The following ADAMTS17 variants were observed in gnomAD, a reference collection of about 807,000 sequenced individuals.
ADAMTS17 encodes the protein ADAM metallopeptidase with thrombospondin type 1 motif 17, also known as A disintegrin and metalloproteinase with thrombospondin motifs 17.
A neutral mutation model predicts 141.5 loss-of-function variants in ADAMTS17; 113 were observed. That is an observed-to-expected ratio of 0.80 (90% CI 0.69 to 0.93). ADAMTS17 has a LOEUF of 0.93. Among genes scored for constraint, ADAMTS17 ranks in the 40% least tolerant of loss-of-function variants. ADAMTS17 has a pLI of 0.00. For synonymous variants in ADAMTS17, 768 were observed against 630.6 expected (o/e 1.22, Z -3.27); for missense variants, 1,659 against 1,517.9 (o/e 1.09, Z -1.54).
intron 13 of ADAMTS17, among the ~76,000 whole-genome samples, chr15:100,114,372 A>C (rs1268643334): frequency 6.6e-6 from 1 of 152,054 alleles, no homozygotes; most frequent in Non-Finnish European, 1.5e-5. Flanking sequence ...TTATAAATGG[A>C]GTTTTCAGAG....
In ADAMTS17 at chr15:99,973,214, AATG is replaced by A. The variant is rs1371790616; in HGVS notation, c.*1185_*1187del. On this transcript the variant is annotated 3_prime_UTR_variant, in exon 22 of 22. Transcript: ENST00000268070. The stretch of plus-strand genomic sequence containing the variant: ...CCTTGCCCCACCAAGAAGATGGGTC[AATG>A]ATGACAGGCGTGATGATAATGGGTA... 11 of 152,238 alleles carry A rather than the reference AATG, an allele frequency of 7.2e-5. No homozygotes were observed. The highest frequency in any genetic ancestry group is 2.4e-4 in the African/African-American group (10 of 41,518). 9.4% of individuals were successfully genotyped at this position (152,238 alleles called of 1,614,324 possible). A position where few individuals can be genotyped will look rare whatever the true frequency, so the allele number is the denominator to read the frequency against.
chr15:100,208,861 G>A (rs1204124978), intron 7 of ADAMTS17, among the ~76,000 whole-genome samples: 1 of 152,114 alleles, frequency 6.6e-6, no homozygotes, highest in Non-Finnish European at 1.5e-5. Flanking sequence ...AGTTGATGAA[G>A]CTATAGTGAT....
Position 100,143,621 on chromosome 15 carries a change from C to A in ADAMTS17, c.1473+8991G>T, listed in dbSNP as rs185845620. 6.6e-5 allele frequency among the ~76,000 whole-genome samples: 10 copies of A among 152,208 alleles called. No individual in the cohort carries two copies. In the East Asian group the frequency reaches 1.7e-3, roughly 26 times the overall value. On this transcript the variant is annotated intron_variant, in intron 10 of 21. Coordinates refer to ENST00000268070, the MANE Select transcript of ADAMTS17 (RefSeq NM_139057.4). ...GTTGATGCCAATTTTTTTTCTAGTTCATATTTCCATAGACAGCTTTGAGCC... is the reference window on the plus strand; with the variant it reads ...GTTGATGCCAATTTTTTTTCTAGTTAATATTTCCATAGACAGCTTTGAGCC...
chr15:100,237,620 GT>G (rs761187954), intron 7 of ADAMTS17, among the ~76,000 whole-genome samples: 2 of 152,082 alleles, frequency 1.3e-5, no homozygotes, highest in South Asian at 4.2e-4. Flanking sequence ...GAACGCTGAG[GT>G]TTTTTGTTTT....
intron 15 of ADAMTS17, among the ~76,000 whole-genome samples, chr15:100,082,513 G>C (rs1253793222): frequency 6.6e-6 from 1 of 151,894 alleles, no homozygotes; most frequent in Non-Finnish European, 1.5e-5. Flanking sequence ...CGCTTCCTGA[G>C]TAGTGGGGAC....
intron 2 of ADAMTS17, 23 bp downstream of exon 2, chr15:100,341,016 C>G: frequency 6.6e-7 from 1 of 1,524,674 alleles, no homozygotes; most frequent in South Asian, 1.2e-5. Flanking sequence ...GACGGGCCGA[C>G]CCGGAGGTGG....
At chr15:100,306,133 C>CAGTA (rs1304519582) in intron 3 of ADAMTS17, 8 of 249,090 alleles carry the variant, frequency 3.2e-5, no homozygotes, top group Non-Finnish European at 6.4e-5. Flanking sequence ...TCCCTCTGCA[C>CAGTA]AGTAGCCCTT....
intron 8 of ADAMTS17, among the ~76,000 whole-genome samples, chr15:100,175,582 C>T (rs1326252626): frequency 2.6e-5 from 4 of 152,258 alleles, no homozygotes; most frequent in South Asian, 4.2e-4. Flanking sequence ...CACCCCAGGG[C>T]GTGATGGAGA....
chr15:100,152,912 A>G (rs963386518), intron 9 of ADAMTS17, 150 bp from the exon 10 acceptor site: 2 of 563,890 alleles, frequency 3.5e-6, no homozygotes, highest in African/African-American at 6.5e-5. Flanking sequence ...GGACACACAG[A>G]CTGCGCTTTT....
chr15:100,207,986 A>T (rs1237821636), intron 7 of ADAMTS17, among the ~76,000 whole-genome samples: 2 of 152,196 alleles, frequency 1.3e-5, no homozygotes, highest in Non-Finnish European at 2.9e-5. Context: ...TATAAAAGTA[A>T]TATACTGCTA....
At chr15:100,088,457 A>G (rs1170773925) in intron 15 of ADAMTS17, among the ~76,000 whole-genome samples, 1 of 152,234 alleles carries the variant, frequency 6.6e-6, no homozygotes, top group Non-Finnish European at 1.5e-5. Context: ...CAAGCTACCA[A>G]TGACTTTCTT....
chr15:100,256,226 G>A (rs755157094), intron 6 of ADAMTS17, among the ~76,000 whole-genome samples: 6 of 152,190 alleles, frequency 3.9e-5, no homozygotes, highest in Non-Finnish European at 5.9e-5. Flanking sequence ...GGCTCCCAGC[G>A]CCTACATCCA....
intron 15 of ADAMTS17, among the ~76,000 whole-genome samples, chr15:100,065,462 T>G (rs754335758): frequency 6.6e-6 from 1 of 152,258 alleles, no homozygotes; most frequent in African/African-American, 2.4e-5. Context: ...TGAGTTTCTA[T>G]GTAGCTAACT....
chr15:100,088,411 G>T (rs986044589), intron 15 of ADAMTS17, among the ~76,000 whole-genome samples: 1 of 152,154 alleles, frequency 6.6e-6, no homozygotes, highest in African/African-American at 2.4e-5. Flanking sequence ...TGGCCATACT[G>T]CCCAAGGTAA....
At chr15:100,215,015 T>C (rs2041926408) in intron 7 of ADAMTS17, among the ~76,000 whole-genome samples, 1 of 152,212 alleles carries the variant, frequency 6.6e-6, no homozygotes, top group South Asian at 2.1e-4. Context: ...TATCATGAAA[T>C]AAAGACTAAT....
chr15:100,030,195 C>T (rs1196545305), intron 18 of ADAMTS17, among the ~76,000 whole-genome samples: 1 of 152,160 alleles, frequency 6.6e-6, no homozygotes, highest in African/African-American at 2.4e-5. Flanking sequence ...CAGGGAACAT[C>T]CTCTTCCCAG....
At chr15:100,035,947 G>C (rs1030122212) in intron 18 of ADAMTS17, among the ~76,000 whole-genome samples, 1 of 152,186 alleles carries the variant, frequency 6.6e-6, no homozygotes, top group Non-Finnish European at 1.5e-5. Context: ...CAGAGACATA[G>C]GGGGTCCCGT....
chr15:100,175,000 G>A (rs890973029), intron 8 of ADAMTS17, among the ~76,000 whole-genome samples: 3 of 152,096 alleles, frequency 2.0e-5, no homozygotes, highest in African/African-American at 7.2e-5. Flanking sequence ...ATGCAGCCCT[G>A]GGCAGAAAGC....
intron 6 of ADAMTS17, chr15:100,256,431 T>C (rs2043328755): frequency 6.6e-6 from 1 of 152,208 alleles, no homozygotes. Context: ...TGGGACTTAA[T>C]ACATTCGTTT....
Sources: gnomAD v4.1 joint callset for allele counts (sites outside exome capture counted in the v4.1 genomes callset) on GRCh38, gnomAD v4.1.1 for gene constraint, MANE v1.5 for transcripts, NCBI Gene and HGNC (gene_info 2026-07-23, HGNC 2026-07-21) for gene names.